Variants in DPAGT1 observed in about 807,000 individuals in gnomAD.
DPAGT1 encodes UDP-N-acetylglucosamine--dolichyl-phosphate N-acetylglucosaminephosphotransferase.
DPAGT1 carries 25 observed loss-of-function variants against 39.3 expected under a neutral mutation model. The observed-to-expected ratio is 0.64, with a 90% confidence interval of 0.46 to 0.89. DPAGT1 has a LOEUF of 0.89. Among genes scored for constraint, DPAGT1 ranks in the 40% least tolerant of loss-of-function variants. DPAGT1 has a pLI of 0.00. For synonymous variants in DPAGT1, 193 were observed against 201.4 expected (o/e 0.96, Z 0.36); for missense variants, 381 against 500.6 (o/e 0.76, Z 2.28).
chr11:119,097,932 C>G lies in DPAGT1; in HGVS notation c.840G>C (p.Met280Ile). The G allele has an allele frequency of 6.2e-7, 1 of 1,614,186 alleles. No individual in the cohort carries two copies. Among genetic ancestry groups the G allele is most frequent in the Non-Finnish European group, 8.5e-7 (1 of 1,180,044 alleles). ...AGTAGAGGAAGTTGAACACCTGGGG[C>G]ATGAAGAATAGTAGCATGGTCTTGC... Reference protein sequence around the residue: ...HFSKTMLLFFMPQVFNFLYSL... With the variant: ...HFSKTMLLFFIPQVFNFLYSL... Residue 280 changes from methionine to isoleucine, a missense_variant, in exon 6 of 9, where the codon ATG becomes ATC. Coordinates refer to ENST00000354202, the MANE Select transcript of DPAGT1 (RefSeq NM_001382.4). This position sits in a 1 kb window ranked among gnomAD's most constrained non-coding sequence, Gnocchi z 4.6.
downstream of DPAGT1, chr11:119,094,826 G>C (rs1020726042): frequency 2.9e-5 from 27 of 915,946 alleles, no homozygotes; most frequent in Non-Finnish European, 4.1e-5. Context: ...GAGGGGAGGG[G>C]AGGGGAAGGG....
chr11:119,098,209 T>A (rs1946433742), intron 5 of DPAGT1, 166 bp from the exon 6 acceptor site: 1 of 1,105,116 alleles, frequency 9.0e-7, no homozygotes, highest in African/African-American at 1.5e-5. Context: ...ATTCATCTAT[T>A]CCTGGGGCCT....
At position 119,100,412 on chromosome 11, in the gene DPAGT1, C is replaced by G. The variant is rs771175893; in HGVS notation, c.497-4G>C. On this transcript the variant is annotated splice_region_variant and splice_polypyrimidine_tract_variant and intron_variant, in intron 3 of 8. Transcript: ENST00000354202. ...ATGTAGACATAGTACAGGATTCCTG[C>G]GGGGAGAGATGGTAGGAAAAGAAGT... is the stretch of plus-strand genomic sequence containing the variant. The G allele has an allele frequency of 1.3e-5, 21 of 1,613,870 alleles. No individual in the cohort carries two copies. The Admixed American group carries it at 3.3e-4, about 26-fold the overall frequency.
chr11:119,101,419 C>T, intron 1 of DPAGT1, 76 bp downstream of exon 1: 1 of 1,611,288 alleles, frequency 6.2e-7, no homozygotes, highest in African/African-American at 1.3e-5. Context: ...GGTCAAGCAC[C>T]CCGGTTCCCG....
chr11:119,101,624 A>AGC lies in DPAGT1; in HGVS notation c.30_31dup (p.Leu11ArgfsTer3). On this transcript the variant is annotated frameshift_variant, in exon 1 of 9. Coordinates refer to ENST00000354202, the MANE Select transcript of DPAGT1 (RefSeq NM_001382.4). LOFTEE classifies it high-confidence loss of function. ...CAGCGAGACGATCAAATTGATCAGC[A>AGC]GCGGCATGGGCAATTCCGAGAAGGC... 1 of 1,614,276 alleles carries AGC rather than the reference A, an allele frequency of 6.2e-7. No homozygotes were observed. Among genetic ancestry groups the AGC allele is most frequent in the Non-Finnish European group, 8.5e-7 (1 of 1,180,044 alleles).
rs1413156382 is a variant in DPAGT1 at position 119,098,053 on chromosome 11, G to T, written c.729-10C>A. The T allele has an allele frequency of 2.5e-6, 4 of 1,613,806 alleles. No homozygotes were observed. Among genetic ancestry groups the T allele is most frequent in the Non-Finnish European group, 3.4e-6 (4 of 1,179,972 alleles). ...CACCCGTGATGGGTACCTGTGTGGG[G>T]GAAGAGGATCCGAGCCAGTGGCAAG... On this transcript the variant is annotated splice_polypyrimidine_tract_variant and intron_variant, in intron 5 of 8. Coordinates refer to ENST00000354202, the MANE Select transcript of DPAGT1 (RefSeq NM_001382.4).
rs1482346569 is a variant in DPAGT1, at chr11:119,097,347, G to A, written c.1006-50C>T. The A allele has an allele frequency of 1.9e-6, 3 of 1,613,582 alleles. No individual in the cohort carries two copies. The highest frequency in any genetic ancestry group is 2.7e-5 in the African/African-American group (2 of 75,030). ...ACCTCAGCTAATACCTATGCTTTAG[G>A]AATGTGGATCTATTTAATGCTTTCA... On this transcript the variant is annotated intron_variant, in intron 7 of 8. Transcript: ENST00000354202. The surrounding 1 kb of genome is among the most constrained non-coding windows in gnomAD (Gnocchi z 4.6).
At position 119,100,721 on chromosome 11, in the gene DPAGT1, A is replaced by G. The variant is rs757644572; in HGVS notation, c.405T>C (p.Pro135=). 1 of 1,614,056 alleles carries G rather than the reference A, an allele frequency of 6.2e-7. No individual in the cohort carries two copies. The highest frequency in any genetic ancestry group is 8.5e-7 in the Non-Finnish European group (1 of 1,179,992). ...KLLLPTAASL[P]LLMVYFTNFG... ...AGTTGGTGAAATAGACCATGAGGAG[A>G]GGTAGTGAGGCAGCTGTAGGTAGCA... is the stretch of plus-strand genomic sequence containing the variant. The change falls in exon 3 of 9, where the codon CCT becomes CCC. Residue 135 remains proline (P), a synonymous_variant. Transcript: ENST00000354202.
Position 119,101,745 on chromosome 11 carries a change from C to G in DPAGT1, c.-90G>C. ...TGAGGCCTCAGCAGTATGGAGTGGC[C>G]GCTCCCCACAGGCAGGCTCTTCCCA... On this transcript the variant is annotated 5_prime_UTR_variant, in exon 1 of 9. Coordinates refer to ENST00000354202, the MANE Select transcript of DPAGT1 (RefSeq NM_001382.4). 6.2e-7 allele frequency: 1 copy of G among 1,600,388 alleles called. No individual in the cohort carries two copies. Among genetic ancestry groups the G allele is most frequent in the Non-Finnish European group, 8.5e-7 (1 of 1,174,260 alleles).
downstream of DPAGT1, chr11:119,094,886 G>A: frequency 7.2e-7 from 1 of 1,392,658 alleles, no homozygotes; most frequent in Non-Finnish European, 9.6e-7. Flanking sequence ...CTCTTTCCAT[G>A]AGGGCGGTGG....
chr11:119,101,274 G>A (rs12575482), intron 1 of DPAGT1, 136 bp from the exon 2 acceptor site: 2 of 1,391,716 alleles, frequency 1.4e-6, no homozygotes, highest in African/African-American at 2.8e-5. Flanking sequence ...GGGGGGCGGA[G>A]GGAGGAAAGC....
rs775716973 is a variant in DPAGT1, at chr11:119,100,641, T to C, written c.485A>G (p.His162Arg). 5.6e-6 allele frequency: 9 copies of C among 1,613,952 alleles called. No individual in the cohort carries two copies. The highest frequency in any genetic ancestry group is 2.7e-5 in the African/African-American group (2 of 74,910). Residue 162 changes from histidine to arginine, a missense_variant, in exon 3 of 9, where the codon CAT (histidine) becomes CGT (arginine). Transcript: ENST00000354202. ...PKPFRPILGL[H>R]LDLGILYYVY... ...GTAGGACTACCTACCCAAGTCCAGA[T>C]GCAGGCCAAGTATCGGGCGGAAGGG...
downstream of DPAGT1, chr11:119,094,958 C>A (rs751244870): frequency 5.0e-6 from 8 of 1,594,224 alleles, no homozygotes; most frequent in Non-Finnish European, 6.0e-6. Context: ...GCGGCGCGGG[C>A]CCTCTTAGTA....
intron 3 of DPAGT1, 22 bp from the exon 4 acceptor site, chr11:119,100,430 AAAG>A (rs755538085): frequency 1.2e-5 from 20 of 1,614,058 alleles, no homozygotes; most frequent in Non-Finnish European, 1.7e-5. Flanking sequence ...GATGGTAGGA[AAAG>A]AAGTAGTGCC....
chr11:119,094,779 G>A, downstream of DPAGT1: 2 of 629,242 alleles, frequency 3.2e-6, no homozygotes, highest in Non-Finnish European at 5.2e-6. Context: ...GGGAGCGGGG[G>A]CGGGCGGGGA....
downstream of DPAGT1, chr11:119,096,420 GAGAT>G (rs1946395532): frequency 5.8e-6 from 1 of 172,496 alleles, no homozygotes. Flanking sequence ...ATGGGGCAGA[GAGAT>G]AGGCATCCTG....
chr11:119,094,844 G>A (rs1946363288), downstream of DPAGT1: 4 of 1,102,988 alleles, frequency 3.6e-6, no homozygotes, highest in African/African-American at 1.6e-5. Context: ...GGGAGCCGCG[G>A]CCCGCTTGCC....
At chr11:119,096,187 C>T (rs1022376903), downstream of DPAGT1, among the ~76,000 whole-genome samples, 2 of 152,150 alleles carry the variant, frequency 1.3e-5, no homozygotes, top group African/African-American at 4.8e-5. Flanking sequence ...GTCTTGAATT[C>T]CTGGGCTCAG....
At position 119,100,642 on chromosome 11, in the gene DPAGT1, G is replaced by T. The variant is rs542516384; in HGVS notation, c.484C>A (p.His162Asn). 78 of 1,614,000 alleles carry T rather than the reference G, an allele frequency of 4.8e-5. No homozygotes were observed. Among genetic ancestry groups the T allele is most frequent in the Non-Finnish European group, 6.2e-5 (73 of 1,180,010 alleles). The change falls in exon 3 of 9, where the codon CAT becomes AAT. Residue 162 changes from histidine (H) to asparagine (N), a missense_variant. Physicochemically the swap from His to Asn is moderately conservative, Grantham distance 68 (BLOSUM62 1). Transcript: ENST00000354202. The stretch of plus-strand genomic sequence containing the variant: ...TAGGACTACCTACCCAAGTCCAGAT[G>T]CAGGCCAAGTATCGGGCGGAAGGGC... Reference protein sequence around the residue: ...PKPFRPILGLHLDLGILYYVY... With the variant: ...PKPFRPILGLNLDLGILYYVY...
Sources: allele counts gnomAD v4.1 joint callset (sites outside exome capture counted in the v4.1 genomes callset), GRCh38; gene constraint gnomAD v4.1.1; non-coding constraint Gnocchi (gnomAD v3.1); transcripts MANE v1.5; gene names NCBI Gene and HGNC (gene_info 2026-07-23, HGNC 2026-07-21).